The following DSCAML1 variants were observed in gnomAD, a reference collection of about 807,000 sequenced individuals.
DSCAML1 encodes the protein DS cell adhesion molecule like 1.
A neutral mutation model predicts 200.5 loss-of-function variants in DSCAML1; 38 were observed. That is an observed-to-expected ratio of 0.19 (90% confidence interval 0.15 to 0.25). The LOEUF is 0.25. DSCAML1 is among the 10% of genes least tolerant of loss of function. The probability of loss-of-function intolerance (pLI) is 1.00; values close to 1 mark genes in which losing one functional copy is unlikely to be tolerated. For missense variants in DSCAML1, 2,223 were observed against 2,858.8 expected (o/e 0.78, Z 5.07); for synonymous variants, 1,215 against 1,165.0 (o/e 1.04, Z -0.87).
chr11:117,459,319 C>T (rs1362644203), intron 18 of DSCAML1, among the ~76,000 whole-genome samples: 2 of 152,256 alleles, frequency 1.3e-5, no homozygotes, highest in East Asian at 3.9e-4. Flanking sequence ...CACAGCTCAG[C>T]AGCCACTCTT....
intron 18 of DSCAML1, 64 bp from the exon 19 acceptor site, chr11:117,458,973 C>A: frequency 6.4e-7 from 1 of 1,573,942 alleles, no homozygotes. Context: ...GCTGCTACCC[C>A]TGCTGCCTGG....
chr11:117,728,318 T>A (rs2054166577), intron 3 of DSCAML1, among the ~76,000 whole-genome samples: 1 of 152,212 alleles, frequency 6.6e-6, no homozygotes, highest in Non-Finnish European at 1.5e-5. Context: ...AACCTCTAGC[T>A]AACATCATAT....
At chr11:117,515,017 A>G (rs979048921) in intron 8 of DSCAML1, among the ~76,000 whole-genome samples, 3 of 152,026 alleles carry the variant, frequency 2.0e-5, no homozygotes, top group Non-Finnish European at 4.4e-5. Flanking sequence ...AGAGGCACAC[A>G]GTGCGCCTGC....
At chr11:117,724,035 G>A (rs2054081374) in intron 3 of DSCAML1, among the ~76,000 whole-genome samples, 1 of 152,194 alleles carries the variant, frequency 6.6e-6, no homozygotes, top group African/African-American at 2.4e-5. Context: ...TACACTAGCT[G>A]CACTTAGAAG....
intron 1 of DSCAML1, among the ~76,000 whole-genome samples, chr11:117,790,924 G>T (rs1000500017): frequency 6.6e-6 from 1 of 152,182 alleles, no homozygotes; most frequent in Non-Finnish European, 1.5e-5. Context: ...CAGTTTAATG[G>T]ATATGCAACT....
At chr11:117,803,856 G>A (rs990155063) in intron 1 of DSCAML1, among the ~76,000 whole-genome samples, 1 of 152,238 alleles carries the variant, frequency 6.6e-6, no homozygotes, top group African/African-American at 2.4e-5. Flanking sequence ...CTTAGATGAT[G>A]AAAGTTCTCT....
intron 3 of DSCAML1, among the ~76,000 whole-genome samples, chr11:117,607,833 CT>C (rs542677794): frequency 9.7e-4 from 147 of 152,292 alleles, no homozygotes; most frequent in Non-Finnish European, 1.9e-3. Context: ...CTCAGTAGCC[CT>C]TTTGGTTAGG....
intron 3 of DSCAML1, among the ~76,000 whole-genome samples, chr11:117,691,080 C>A (rs1014023599): frequency 2.0e-5 from 3 of 152,194 alleles, no homozygotes; most frequent in African/African-American, 7.2e-5. Flanking sequence ...GGAGGAAACA[C>A]ACACATGTGA....
chr11:117,428,362 GC>G lies in DSCAML1; in HGVS notation c.6127del (p.Ala2043ProfsTer43). On this transcript the variant is annotated frameshift_variant, in exon 33 of 33. Coordinates refer to ENST00000651296, the MANE Select transcript of DSCAML1 (RefSeq NM_020693.4). LOFTEE classifies it high-confidence loss of function. The stretch of plus-strand genomic sequence containing the variant: ...GGTGTAGGATTTGGAGTAGGCCCCG[GC>G]CCCCTGCTTCTGAGACCTCCCTACC... ...SGVGRSQKQGAGAYSKSYTLV is the reference protein window; with the variant it reads ...SGVGRSQKQGXGAYSKSYTLV 1.3e-6 allele frequency: 2 copies of G among 1,584,014 alleles called. No individual in the cohort carries two copies. Among genetic ancestry groups the G allele is most frequent in the Admixed American group, 1.8e-5 (1 of 55,284 alleles).
At chr11:117,602,716 A>T (rs1436392385) in intron 3 of DSCAML1, among the ~76,000 whole-genome samples, 3 of 152,144 alleles carry the variant, frequency 2.0e-5, no homozygotes, top group African/African-American at 4.8e-5. Flanking sequence ...GGTATACAGC[A>T]GGTGCCCAAT....
At chr11:117,601,500 C>T (rs560990437) in intron 3 of DSCAML1, among the ~76,000 whole-genome samples, 30 of 152,284 alleles carry the variant, frequency 2.0e-4, no homozygotes, top group African/African-American at 6.7e-4. Context: ...AGAAACACTA[C>T]GCCATCCAAA....
At chr11:117,707,843 T>C (rs2137761323) in intron 3 of DSCAML1, among the ~76,000 whole-genome samples, 1 of 152,308 alleles carries the variant, frequency 6.6e-6, no homozygotes, top group Non-Finnish European at 1.5e-5. Flanking sequence ...CCAAGGAAGC[T>C]TTTCAACAGT....
chr11:117,628,876 C>T (rs928019091), intron 3 of DSCAML1, among the ~76,000 whole-genome samples: 1 of 152,184 alleles, frequency 6.6e-6, no homozygotes, highest in East Asian at 1.9e-4. Context: ...GATAAAGCAT[C>T]TTGTCCAAGG....
intron 3 of DSCAML1, among the ~76,000 whole-genome samples, chr11:117,750,684 C>T (rs1168155545): frequency 6.6e-6 from 1 of 152,150 alleles, no homozygotes; most frequent in Non-Finnish European, 1.5e-5. Context: ...TGGAACAACC[C>T]CTGGCTTGGG....
At chr11:117,446,948 C>T (rs12361458) in intron 20 of DSCAML1, among the ~76,000 whole-genome samples, 44,363 of 152,062 alleles carry the variant, frequency 0.29, 6,824 homozygotes, top group South Asian at 0.38. Context: ...AAATACAGAA[C>T]AATGGGAGAC....
At chr11:117,676,956 C>T (rs907279204) in intron 3 of DSCAML1, among the ~76,000 whole-genome samples, 7 of 152,292 alleles carry the variant, frequency 4.6e-5, no homozygotes, top group African/African-American at 1.4e-4. Context: ...CAGGGGAGGC[C>T]GGGTAGAGAG....
rs2137213352 is a variant in DSCAML1 at position 117,481,154 on chromosome 11, G to T, written c.2656+20C>A. On this transcript the variant is annotated intron_variant, in intron 13 of 32. Transcript: ENST00000651296. ...GGCCCTGGGGAGGTGGGATGGGAAG[G>T]GTGGGGCAGGTGAAGGTACCTTGCA... 1 of 1,612,098 alleles carries T rather than the reference G, an allele frequency of 6.2e-7. No individual in the cohort carries two copies. Among genetic ancestry groups the T allele is most frequent in the Non-Finnish European group, 8.5e-7 (1 of 1,178,340 alleles).
At chr11:117,539,327 G>A (rs1263718069) in intron 3 of DSCAML1, among the ~76,000 whole-genome samples, 1 of 152,078 alleles carries the variant, frequency 6.6e-6, no homozygotes, top group Admixed American at 6.6e-5. Context: ...AATGGTCTAG[G>A]CTGGGCGCAG....
In DSCAML1 at chr11:117,780,236, G is replaced by GAAAGAAAGAAAGAA. The variant is rs1162439676; in HGVS notation, c.364+243_364+256dup. 0.027 allele frequency among the ~76,000 whole-genome samples: 1,429 copies of GAAAGAAAGAAAGAA among 52,762 alleles called. 56 individuals are homozygous for GAAAGAAAGAAAGAA. Among genetic ancestry groups the GAAAGAAAGAAAGAA allele is most frequent in the African/African-American group, 0.038 (517 of 13,536 alleles). 34.6% of individuals were successfully genotyped at this position (52,762 alleles called of 152,430 possible). On this transcript the variant is annotated intron_variant, in intron 2 of 32. Coordinates refer to ENST00000651296, the MANE Select transcript of DSCAML1 (RefSeq NM_020693.4). This position sits in a 1 kb window ranked among gnomAD's most constrained non-coding sequence, Gnocchi z 4.8. The stretch of plus-strand genomic sequence containing the variant: ...GAGAGAGAGAAAGAAAGAAAGGAAA[G>GAAAGAAAGAAAGAA]AAAGAAAGAAAGAAAGAAAGAAAGA...
Sources: allele counts gnomAD v4.1 joint callset (sites outside exome capture counted in the v4.1 genomes callset), GRCh38; gene constraint gnomAD v4.1.1; non-coding constraint Gnocchi (gnomAD v3.1); transcripts MANE v1.5; gene names NCBI Gene and HGNC (gene_info 2026-07-23, HGNC 2026-07-21).